The following HDAC9 variants were observed in gnomAD, a reference collection of about 807,000 sequenced individuals.
HDAC9 encodes histone deacetylase 9.
In HDAC9, 41 loss-of-function variants were observed where a neutral mutation model predicts 139.4. The observed-to-expected ratio is 0.29, with a 90% CI of 0.23 to 0.38. HDAC9 has a LOEUF of 0.38. Among genes scored for constraint, HDAC9 ranks in the 10% least tolerant of loss-of-function variants. The pLI is 1.00. For missense variants in HDAC9, 1,147 were observed against 1,297.0 expected (o/e 0.88, Z 1.78); for synonymous variants, 517 against 476.2 (o/e 1.09, Z -1.12).
chr7:18,491,687 C>T (rs117272084), upstream of HDAC9, among the ~76,000 whole-genome samples: 982 of 152,040 alleles, frequency 6.5e-3, 8 homozygotes, highest in Middle Eastern at 0.061. Context: ...GCAAAGTCAA[C>T]GTTGTGATAA....
intron 1 of HDAC9, among the ~76,000 whole-genome samples, chr7:18,413,000 C>A (rs1319281585): frequency 6.6e-6 from 1 of 152,130 alleles, no homozygotes; most frequent in African/African-American, 2.4e-5. Flanking sequence ...ATATGTCCAT[C>A]TTTAGATTAA....
chr7:18,365,631 C>A (rs999552890), intron 1 of HDAC9, among the ~76,000 whole-genome samples: 52 of 84,022 alleles, frequency 6.2e-4, no homozygotes, highest in Non-Finnish European at 4.1e-4. Context: ...CTTTTATAGT[C>A]TTTATGACTT....
At chr7:18,598,500 A>T (rs1329909002) in intron 6 of HDAC9, among the ~76,000 whole-genome samples, 1 of 152,148 alleles carries the variant, frequency 6.6e-6, no homozygotes, top group Non-Finnish European at 1.5e-5. Context: ...GATTAATTTA[A>T]CCTCTCTAGG....
chr7:18,419,995 G>A (rs1789468901), intron 1 of HDAC9, among the ~76,000 whole-genome samples: 1 of 152,178 alleles, frequency 6.6e-6, no homozygotes, highest in Non-Finnish European at 1.5e-5. Context: ...CAGGCACTAT[G>A]AGAATAGCCC....
At chr7:18,368,241 A>G (rs1784333507) in intron 1 of HDAC9, among the ~76,000 whole-genome samples, 1 of 152,008 alleles carries the variant, frequency 6.6e-6, no homozygotes, top group South Asian at 2.1e-4. Context: ...AAAGGTCATA[A>G]AGATATCCTC....
intron 2 of HDAC9, chr7:18,162,582 T>C: frequency 1.9e-6 from 1 of 535,946 alleles, no homozygotes; most frequent in Non-Finnish European, 3.3e-6. Flanking sequence ...CATGGGACTT[T>C]AATTCTTCTG....
chr7:18,848,322 A>G (rs1215444502), intron 21 of HDAC9, among the ~76,000 whole-genome samples: 3 of 151,984 alleles, frequency 2.0e-5, no homozygotes, highest in Non-Finnish European at 2.9e-5. Context: ...AGGCACTGTT[A>G]TTGTCTAAAT....
intron 2 of HDAC9, among the ~76,000 whole-genome samples, chr7:18,265,855 AG>A: frequency 6.6e-6 from 1 of 152,300 alleles, no homozygotes; most frequent in Admixed American, 6.5e-5. Flanking sequence ...GGCCTTCCAC[AG>A]ATAATATTGC....
chr7:18,309,844 G>A (rs944150007), intron 1 of HDAC9, among the ~76,000 whole-genome samples: 1 of 152,040 alleles, frequency 6.6e-6, no homozygotes. Flanking sequence ...TAAAAAATAT[G>A]CTATTATAAT....
At chr7:18,707,465 G>C (rs1046710821) in intron 12 of HDAC9, among the ~76,000 whole-genome samples, 1 of 151,984 alleles carries the variant, frequency 6.6e-6, no homozygotes, top group Non-Finnish European at 1.5e-5. Flanking sequence ...CTAATAAAAA[G>C]GTATGAAAAT....
intron 6 of HDAC9, among the ~76,000 whole-genome samples, chr7:18,610,536 C>G (rs1202837019): frequency 6.6e-6 from 1 of 152,196 alleles, no homozygotes; most frequent in East Asian, 1.9e-4. Context: ...CTTGCGCCCT[C>G]TAGACGTTTA....
At chr7:18,499,372 C>T (rs1199814892) in intron 2 of HDAC9, among the ~76,000 whole-genome samples, 2 of 151,998 alleles carry the variant, frequency 1.3e-5, no homozygotes, top group African/African-American at 2.4e-5. Context: ...GATATTGACT[C>T]GGCCAGGCTA....
At chr7:18,903,964 T>C (rs1474379726) in intron 22 of HDAC9, among the ~76,000 whole-genome samples, 1 of 152,138 alleles carries the variant, frequency 6.6e-6, no homozygotes. Flanking sequence ...TGGCAACAAA[T>C]CTAGGATGAG....
intron 1 of HDAC9, among the ~76,000 whole-genome samples, chr7:18,343,641 A>C (rs1030875837): frequency 6.6e-6 from 1 of 151,864 alleles, no homozygotes. Flanking sequence ...TAAAAACAGC[A>C]AAATATAAAA....
At chr7:18,356,358 G>GTGT (rs1554388609) in intron 1 of HDAC9, among the ~76,000 whole-genome samples, 4 of 55,140 alleles carry the variant, frequency 7.3e-5, no homozygotes, top group Non-Finnish European at 1.3e-4. Flanking sequence ...CAGCACATAG[G>GTGT]TTTTTTTTTT....
At chr7:18,271,903 A>G (rs528806308) in intron 2 of HDAC9, among the ~76,000 whole-genome samples, 1 of 152,332 alleles carries the variant, frequency 6.6e-6, no homozygotes, top group South Asian at 2.1e-4. Context: ...TTAGTAAATG[A>G]TGAATGAATG....
intron 1 of HDAC9, chr7:18,458,749 CAAAG>C: frequency 1.3e-6 from 1 of 781,012 alleles, no homozygotes; most frequent in South Asian, 1.5e-5. Context: ...AGAGTAGTAA[CAAAG>C]AGAGAGCTGG....
At chr7:18,946,034 C>A (rs1227701829) in intron 23 of HDAC9, among the ~76,000 whole-genome samples, 3 of 53,842 alleles carry the variant, frequency 5.6e-5, no homozygotes, top group African/African-American at 2.5e-4. Context: ...AAGACTCCGT[C>A]TCAAAAAAAA....
chr7:18,875,269 T>C (rs1231636083), intron 22 of HDAC9, among the ~76,000 whole-genome samples: 2 of 151,716 alleles, frequency 1.3e-5, no homozygotes, highest in South Asian at 4.2e-4. Flanking sequence ...GGAAAAAAGG[T>C]ATATATATAT....
Sources: gnomAD v4.1 joint callset for allele counts (sites outside exome capture counted in the v4.1 genomes callset) on GRCh38, gnomAD v4.1.1 for gene constraint, MANE v1.5 for transcripts, NCBI Gene and HGNC (gene_info 2026-07-23, HGNC 2026-07-21) for gene names.